Variants in PKHD1 observed in about 807,000 individuals in gnomAD.
PKHD1 encodes the protein fibrocystin.
A neutral mutation model predicts 412.0 loss-of-function variants in PKHD1; 291 were observed. The observed-to-expected ratio is 0.71, with a 90% CI of 0.64 to 0.78. The LOEUF (loss-of-function observed/expected upper bound fraction) is 0.78. Among genes scored for constraint, PKHD1 ranks in the 30% least tolerant of loss-of-function variants. The pLI is 0.00. For synonymous variants in PKHD1, 1,777 were observed against 1,821.5 expected (o/e 0.98, Z 0.62); for missense variants, 4,825 against 4,950.7 (o/e 0.97, Z 0.76).
At chr6:51,636,543 G>A (rs1344445542) in intron 64 of PKHD1, among the ~76,000 whole-genome samples, 4 of 151,676 alleles carry the variant, frequency 2.6e-5, no homozygotes, top group Middle Eastern at 3.2e-3. Context: ...GACAGATTGA[G>A]ACCCTCTCTA....
At chr6:52,036,853 TA>T (rs1804034603) in intron 27 of PKHD1, among the ~76,000 whole-genome samples, 1 of 152,158 alleles carries the variant, frequency 6.6e-6, no homozygotes, top group Non-Finnish European at 1.5e-5. Context: ...GTGAACACCA[TA>T]AAGGTGACAT....
chr6:51,659,524 G>A lies in PKHD1; in HGVS notation c.10602C>T (p.Asn3534=), dbSNP rs1414898274. The A allele has an allele frequency of 1.2e-6, 2 of 1,613,516 alleles. No homozygotes were observed. The highest frequency in any genetic ancestry group is 1.7e-6 in the Non-Finnish European group (2 of 1,179,776). The change falls in exon 61 of 67, where the codon AAC becomes AAT. Residue 3534 remains asparagine, a synonymous_variant. Transcript: ENST00000371117. ...SLLLNESIGA[N]YFNIMDNLLY... ...AGAGGTTATCCATGATGTTGAAATA[G>A]TTGGCACCAATAGATTCATTCAGCA...
At chr6:51,869,827 T>TA (rs759935858) in intron 47 of PKHD1, among the ~76,000 whole-genome samples, 1 of 152,118 alleles carries the variant, frequency 6.6e-6, no homozygotes, top group Non-Finnish European at 1.5e-5. Context: ...TTCATTTAAT[T>TA]AAAAAAACAA....
At chr6:51,800,036 C>A (rs140737609) in intron 52 of PKHD1, among the ~76,000 whole-genome samples, 2 of 152,038 alleles carry the variant, frequency 1.3e-5, no homozygotes, top group Non-Finnish European at 2.9e-5. Flanking sequence ...TTCTGTTGCT[C>A]AATGGGTGGC....
intron 24 of PKHD1, 122 bp downstream of exon 24, chr6:52,045,882 T>C: frequency 1.3e-6 from 1 of 748,790 alleles, no homozygotes; most frequent in South Asian, 1.6e-5. Flanking sequence ...ATCCCTTTAC[T>C]CAAATATTCC....
chr6:51,953,584 C>T (rs540885626), intron 36 of PKHD1, among the ~76,000 whole-genome samples: 29 of 150,614 alleles, frequency 1.9e-4, no homozygotes, highest in African/African-American at 6.8e-4. Flanking sequence ...AGTATACAAT[C>T]CCTGGGATTA....
chr6:51,979,753 C>T (rs946487254), intron 35 of PKHD1, among the ~76,000 whole-genome samples: 8 of 152,136 alleles, frequency 5.3e-5, no homozygotes, highest in Non-Finnish European at 1.5e-5. Context: ...CTCGCTTCTC[C>T]CCATAATTCT....
chr6:52,067,276 A>T (rs1375779970), intron 11 of PKHD1, among the ~76,000 whole-genome samples: 1 of 152,110 alleles, frequency 6.6e-6, no homozygotes, highest in Non-Finnish European at 1.5e-5. Context: ...TTTTTTTTAC[A>T]CTAGCACTGG....
intron 48 of PKHD1, among the ~76,000 whole-genome samples, chr6:51,866,902 C>T (rs764627053): frequency 2.6e-5 from 4 of 152,070 alleles, no homozygotes; most frequent in South Asian, 2.1e-4. Context: ...GGCTCATTAA[C>T]GTCAGGTAGA....
In PKHD1 at chr6:52,043,649, C is replaced by T. The variant is rs768669648; in HGVS notation, c.2797G>A (p.Val933Ile). 6.2e-7 allele frequency: 1 copy of T among 1,612,452 alleles called. No individual in the cohort carries two copies. Residue 933 changes from valine (V) to isoleucine (I), a missense_variant, in exon 26 of 67, where the codon GTC becomes ATC. By Grantham distance (29) the Val-to-Ile change is conservative (BLOSUM62 3). Transcript: ENST00000371117. ...FQYLQGSTPC[V>I]HSVWYSIDGD... ...CCAATGGAGTACCACACAGAATGGA[C>T]ACAGGGAGTTGACCCTTGGAGGTAC... is the stretch of plus-strand genomic sequence containing the variant.
intron 60 of PKHD1, among the ~76,000 whole-genome samples, chr6:51,685,625 G>A (rs907730816): frequency 3.3e-5 from 5 of 152,138 alleles, no homozygotes; most frequent in East Asian, 1.9e-4. Flanking sequence ...CTACATTTAC[G>A]TTGGCCTATA....
At chr6:51,954,794 G>A (rs964540799) in intron 36 of PKHD1, among the ~76,000 whole-genome samples, 1 of 152,048 alleles carries the variant, frequency 6.6e-6, no homozygotes, top group African/African-American at 2.4e-5. Context: ...ACACCAAGGA[G>A]AGAGTTCATT....
intron 5 of PKHD1, among the ~76,000 whole-genome samples, chr6:52,078,561 T>C (rs1159977448): frequency 1.3e-5 from 2 of 152,208 alleles, no homozygotes; most frequent in African/African-American, 4.8e-5. Flanking sequence ...CGCCGTGTTT[T>C]ATTTAGCCTG....
chr6:51,666,623 C>G (rs571552163), intron 60 of PKHD1, among the ~76,000 whole-genome samples: 1 of 151,534 alleles, frequency 6.6e-6, no homozygotes. Context: ...ATACATGTGC[C>G]ATGCTGGTGC....
chr6:51,738,885 G>A (rs1368293495), intron 60 of PKHD1, among the ~76,000 whole-genome samples: 1 of 151,886 alleles, frequency 6.6e-6, no homozygotes, highest in African/African-American at 2.4e-5. Flanking sequence ...CATTTGAAAT[G>A]CAACTATTTC....
chr6:51,948,076 C>T (rs898456613), intron 36 of PKHD1, among the ~76,000 whole-genome samples: 3 of 152,110 alleles, frequency 2.0e-5, no homozygotes, highest in African/African-American at 7.2e-5. Context: ...CCCCTATAAC[C>T]CAACCACTTA....
At chr6:52,085,680 G>A (rs1489648619) in intron 1 of PKHD1, among the ~76,000 whole-genome samples, 2 of 152,180 alleles carry the variant, frequency 1.3e-5, no homozygotes, top group African/African-American at 4.8e-5. Context: ...TCTTCTTCCA[G>A]ACGGCACGTT....
chr6:52,002,676 A>G (rs1335808798), intron 35 of PKHD1, among the ~76,000 whole-genome samples: 1 of 152,180 alleles, frequency 6.6e-6, no homozygotes, highest in African/African-American at 2.4e-5. Context: ...GGAAAAAAAG[A>G]AAGAAGGGAG....
intron 37 of PKHD1, among the ~76,000 whole-genome samples, chr6:51,931,727 T>G (rs1287835360): frequency 6.6e-6 from 1 of 152,164 alleles, no homozygotes; most frequent in Non-Finnish European, 1.5e-5. Context: ...GCTCTGTGAT[T>G]CAGGTGAGAT....
Sources: gnomAD v4.1 joint callset for allele counts (sites outside exome capture counted in the v4.1 genomes callset) on GRCh38, gnomAD v4.1.1 for gene constraint, MANE v1.5 for transcripts, NCBI Gene and HGNC (gene_info 2026-07-23, HGNC 2026-07-21) for gene names.